RNF144A: variants seen among roughly 807,000 people sequenced by gnomAD.
RNF144A encodes ring finger protein 144A.
RNF144A carries 11 observed loss-of-function variants against 38.7 expected under a neutral mutation model. That is an observed-to-expected ratio of 0.28 (90% CI 0.18 to 0.47). The LOEUF (loss-of-function observed/expected upper bound fraction) is 0.47, where lower values mean the gene tolerates loss of function less well. Ranked by LOEUF, RNF144A falls within the 20% of genes least tolerant of loss-of-function variation. RNF144A has a pLI of 0.99. For synonymous variants in RNF144A, 149 were observed against 143.9 expected, an observed-to-expected ratio of 1.04 and a Z score of -0.25; for missense variants, 316 against 377.2, an observed-to-expected ratio of 0.84 and a Z score of 1.34.
chr2:6,959,806 T>C (rs1367441826), intron 2 of RNF144A, among the ~76,000 whole-genome samples: 1 of 152,200 alleles, frequency 6.6e-6, no homozygotes, highest in Non-Finnish European at 1.5e-5. Flanking sequence ...CCATACTGTT[T>C]CATTGAGGAT....
chr2:6,992,999 G>T (rs919113492), intron 2 of RNF144A, among the ~76,000 whole-genome samples: 1 of 152,210 alleles, frequency 6.6e-6, no homozygotes, highest in Non-Finnish European at 1.5e-5. Context: ...AACAAAGACT[G>T]TGCTTTCTTT....
chr2:7,017,589 A>G (rs955107091), intron 5 of RNF144A, among the ~76,000 whole-genome samples: 1 of 152,218 alleles, frequency 6.6e-6, no homozygotes, highest in African/African-American at 2.4e-5. Context: ...AAAAAGTTTT[A>G]TGCATTTTTA....
the RNF144A span, among the ~76,000 whole-genome samples, chr2:7,076,168 G>A: frequency 3.9e-5 from 6 of 152,098 alleles, no homozygotes; most frequent in Non-Finnish European, 7.4e-5. Flanking sequence ...GCTTGCTGAG[G>A]GGAAGATGGC....
rs142822841 is a variant in RNF144A at position 6,980,875 on chromosome 2, A to G, written c.-11-16041A>G. On this transcript the variant is annotated intron_variant, in intron 2 of 8. Coordinates refer to ENST00000320892, the MANE Select transcript of RNF144A (RefSeq NM_014746.6). The stretch of plus-strand genomic sequence containing the variant: ...TCTGCCTGGACATTCAAGCAATTCC[A>G]TACATCCTCTGAAATCGAGGTGGAG... Among the ~76,000 whole-genome samples the G allele has an allele frequency of 6.7e-4, 102 of 152,326 alleles. 2 individuals carry two copies. The East Asian group carries it at 0.019, about 28-fold the overall frequency.
At position 7,040,665 on chromosome 2, in the gene RNF144A, C is replaced by T; in HGVS notation, c.*905C>T. ...TGGTTCTCCTCCGAATTGCTGCCGT[C>T]TGGCCTCTGGCCTCAGTCTTCAGAT... On this transcript the variant is annotated 3_prime_UTR_variant, in exon 9 of 9. Transcript: ENST00000320892. 1 of 985,496 alleles carries T rather than the reference C, an allele frequency of 1.0e-6. No homozygotes were observed. The highest frequency in any genetic ancestry group is 1.2e-6 in the Non-Finnish European group (1 of 829,960). 61.0% of individuals were successfully genotyped at this position (985,496 alleles called of 1,614,324 possible). A position where few individuals can be genotyped will look rare whatever the true frequency, so the allele number is the denominator to read the frequency against.
At chr2:6,989,192 C>T (rs1669177261) in intron 2 of RNF144A, among the ~76,000 whole-genome samples, 1 of 152,192 alleles carries the variant, frequency 6.6e-6, no homozygotes, top group African/African-American at 2.4e-5. Flanking sequence ...CCGGTGTGTG[C>T]ACACAAGTCT....
chr2:6,947,657 G>A (rs1666425299), intron 2 of RNF144A, among the ~76,000 whole-genome samples: 1 of 152,104 alleles, frequency 6.6e-6, no homozygotes, highest in Admixed American at 6.5e-5. Flanking sequence ...TTTTTTGATG[G>A]CAACTGGGGG....
In RNF144A at chr2:6,944,415, C is replaced by T. The variant is rs1666207085; in HGVS notation, c.-12+3268C>T. 6.6e-6 allele frequency among the ~76,000 whole-genome samples: 1 copy of T among 152,066 alleles called. No homozygotes were observed. Among genetic ancestry groups the T allele is most frequent in the African/African-American group, 2.4e-5 (1 of 41,398 alleles). ...TCTTCCCCTCCACTTACCCGATTGCCTACTTACCCCTTTGGTGATACTGGG... is the reference window on the plus strand; with the variant it reads ...TCTTCCCCTCCACTTACCCGATTGCTTACTTACCCCTTTGGTGATACTGGG... On this transcript the variant is annotated intron_variant, in intron 2 of 8. Transcript: ENST00000320892. The surrounding 1 kb of genome is among the most constrained non-coding windows in gnomAD (Gnocchi z 4.7).
intron 1 of RNF144A, among the ~76,000 whole-genome samples, chr2:6,938,229 T>TCC (rs1315226507): frequency 3.2e-4 from 19 of 58,786 alleles, no homozygotes; most frequent in Non-Finnish European, 3.7e-4. Flanking sequence ...TCCCCTCCCC[T>TCC]CCCCCTCTCC....
At chr2:6,964,955 A>T (rs549971641) in intron 2 of RNF144A, among the ~76,000 whole-genome samples, 39 of 152,182 alleles carry the variant, frequency 2.6e-4, no homozygotes, top group Non-Finnish European at 4.7e-4. Flanking sequence ...GTACCCTAAA[A>T]CTTAAAGTAT....
At chr2:7,002,068 A>G (rs13398488) in intron 3 of RNF144A, among the ~76,000 whole-genome samples, 46,730 of 152,108 alleles carry the variant, frequency 0.31, 7,576 homozygotes, top group African/African-American at 0.39. Flanking sequence ...TGCTGCAGAA[A>G]AGCTACGTGT....
chr2:6,985,641 G>T (rs141353801), intron 2 of RNF144A, among the ~76,000 whole-genome samples: 1 of 152,156 alleles, frequency 6.6e-6, no homozygotes, highest in African/African-American at 2.4e-5. Flanking sequence ...GAAGTTGATC[G>T]GTATCAATGG....
intron 3 of RNF144A, among the ~76,000 whole-genome samples, chr2:7,006,147 C>A (rs576848476): frequency 6.6e-6 from 1 of 152,000 alleles, no homozygotes; most frequent in Non-Finnish European, 1.5e-5. Context: ...CCCAGAACCT[C>A]CATGAAGCAG....
At chr2:7,015,024 G>C (rs1269622153) in intron 5 of RNF144A, among the ~76,000 whole-genome samples, 1 of 152,180 alleles carries the variant, frequency 6.6e-6, no homozygotes, top group Admixed American at 6.5e-5. Flanking sequence ...AAGGATTGAG[G>C]CTCCTGGGGG....
intron 7 of RNF144A, among the ~76,000 whole-genome samples, chr2:7,025,217 C>T (rs1671805809): frequency 6.6e-6 from 1 of 152,244 alleles, no homozygotes; most frequent in South Asian, 2.1e-4. Context: ...GGCACAATCT[C>T]CCAGGCCCAC....
At chr2:6,964,832 G>T (rs140242548) in intron 2 of RNF144A, among the ~76,000 whole-genome samples, 2 of 151,982 alleles carry the variant, frequency 1.3e-5, no homozygotes, top group Non-Finnish European at 2.9e-5. Context: ...GGGTCGGGGA[G>T]GGGGAGGGAT....
At chr2:6,993,054 G>A (rs1489957787) in intron 2 of RNF144A, among the ~76,000 whole-genome samples, 3 of 152,158 alleles carry the variant, frequency 2.0e-5, no homozygotes, top group Non-Finnish European at 2.9e-5. Flanking sequence ...TTGCAAGTTC[G>A]CAGCTGTTCG....
intron 6 of RNF144A, among the ~76,000 whole-genome samples, chr2:7,061,124 T>C (rs1443116587): frequency 1.3e-5 from 2 of 152,148 alleles, no homozygotes; most frequent in Admixed American, 1.3e-4. Context: ...ATGTGAGCTG[T>C]CCATGGATAT....
intron 1 of RNF144A, among the ~76,000 whole-genome samples, chr2:6,938,564 T>A (rs1488103835): frequency 6.6e-6 from 1 of 152,090 alleles, no homozygotes; most frequent in Non-Finnish European, 1.5e-5. Context: ...TCTTTTTAAA[T>A]AGTAGTTTTA....
Sources: allele counts gnomAD v4.1 joint callset (sites outside exome capture counted in the v4.1 genomes callset), GRCh38; gene constraint gnomAD v4.1.1; non-coding constraint Gnocchi (gnomAD v3.1); transcripts MANE v1.5; gene names NCBI Gene and HGNC (gene_info 2026-07-23, HGNC 2026-07-21).